Variants in CD8B2 observed in about 807,000 individuals in gnomAD.
CD8B2 encodes the protein CD8B family member 2.
Under a neutral mutation model 23.7 loss-of-function variants are expected in CD8B2, and 11 were observed. The observed-to-expected ratio is 0.46, with a 90% CI of 0.29 to 0.77. The LOEUF is 0.77. CD8B2 is among the 30% of genes least tolerant of loss of function. The pLI is 0.09. For missense variants in CD8B2, 197 were observed against 270.5 expected (o/e 0.73, Z 1.91); for synonymous variants, 90 against 109.3 (o/e 0.82, Z 1.10).
chr2:106,499,167 C>G (rs535784023), intron 3 of CD8B2, among the ~76,000 whole-genome samples: 5 of 152,242 alleles, frequency 3.3e-5, no homozygotes, highest in Admixed American at 2.0e-4. Context: ...TTAACCATGA[C>G]CTCTCCTCAG....
At chr2:106,494,408 A>G (rs929363472) in intron 2 of CD8B2, among the ~76,000 whole-genome samples, 18 of 151,894 alleles carry the variant, frequency 1.2e-4, no homozygotes, top group Non-Finnish European at 2.4e-4. Flanking sequence ...TCGGCCTCCC[A>G]AAGTGCTGGG....
At chr2:106,515,974 C>G (rs1237531401), downstream of CD8B2, among the ~76,000 whole-genome samples, 1 of 151,906 alleles carries the variant, frequency 6.6e-6, no homozygotes, top group Admixed American at 6.6e-5. Flanking sequence ...AAGCACCCAC[C>G]ACCATGCTCA....
rs2104561644 is a variant in CD8B2, at chr2:106,508,874, T to C, written c.*1934T>C. The C allele has an allele frequency of 6.6e-6, 1 of 152,376 alleles. No individual in the cohort carries two copies. The highest frequency in any genetic ancestry group is 1.9e-4 in the East Asian group (1 of 5,174). The allele number at this position is 152,376 out of a possible 1,614,324, so 9.4% of individuals were successfully genotyped here. On this transcript the variant is annotated 3_prime_UTR_variant, in exon 6 of 6. Transcript: ENST00000643224. ...GGGAGAGTAGCCTTTGATCCTTGGT[T>C]ACTCAGTGTGGGGAGATGGGGTTTT... is the stretch of plus-strand genomic sequence containing the variant.
At chr2:106,518,957 A>T (rs965340045) in intron 5 of CD8B2, among the ~76,000 whole-genome samples, 1 of 150,962 alleles carries the variant, frequency 6.6e-6, no homozygotes, top group Admixed American at 6.6e-5. Flanking sequence ...TCATCCATCA[A>T]TTCCTCCATC....
intron 4 of CD8B2, among the ~76,000 whole-genome samples, chr2:106,503,114 C>T (rs1225812707): frequency 6.7e-6 from 1 of 149,826 alleles, no homozygotes; most frequent in Non-Finnish European, 1.5e-5. Context: ...ATGGCCCCCA[C>T]CCCAAGCTCT....
At chr2:106,517,219 G>A (rs999535807) in intron 5 of CD8B2, among the ~76,000 whole-genome samples, 2 of 151,702 alleles carry the variant, frequency 1.3e-5, no homozygotes, top group African/African-American at 4.8e-5. Context: ...TGCTTTTTCT[G>A]GAGAATAGTC....
chr2:106,497,441 T>A (rs933038887), intron 3 of CD8B2, among the ~76,000 whole-genome samples: 1 of 152,136 alleles, frequency 6.6e-6, no homozygotes, highest in African/African-American at 2.4e-5. Flanking sequence ...CACATGCCCA[T>A]GCACACGCTT....
chr2:106,493,863 G>A, intron 2 of CD8B2, among the ~76,000 whole-genome samples: 1 of 152,142 alleles, frequency 6.6e-6, no homozygotes, highest in East Asian at 1.9e-4. Flanking sequence ...CTTCCTCCTG[G>A]ATAAAATGGG....
At chr2:106,513,405 C>G (rs1679674462), downstream of CD8B2, among the ~76,000 whole-genome samples, 1 of 152,046 alleles carries the variant, frequency 6.6e-6, no homozygotes, top group Admixed American at 6.6e-5. Flanking sequence ...CAGCCCCGGA[C>G]AGACCAGAGA....
intron 5 of CD8B2, among the ~76,000 whole-genome samples, 155 bp downstream of exon 5, chr2:106,504,480 G>A (rs73952239): frequency 0.032 from 4,826 of 152,194 alleles, 97 homozygotes; most frequent in African/African-American, 0.039. Flanking sequence ...ACAGCTACTC[G>A]GGAGCTGAAG....
At chr2:106,535,306 A>G (rs1418893888) in intron 5 of CD8B2, 2 of 152,164 alleles carry the variant, frequency 1.3e-5, no homozygotes, top group Non-Finnish European at 2.9e-5. Context: ...CAGGCTGCAG[A>G]CACTCATTTC....
intron 5 of CD8B2, among the ~76,000 whole-genome samples, chr2:106,532,156 G>T (rs1236967808): frequency 6.6e-6 from 1 of 152,226 alleles, no homozygotes; most frequent in Non-Finnish European, 1.5e-5. Flanking sequence ...CCCGGAGTTT[G>T]TATGTGTAAA....
intron 5 of CD8B2, among the ~76,000 whole-genome samples, chr2:106,519,664 G>A (rs942732697): frequency 3.3e-5 from 5 of 152,126 alleles, no homozygotes; most frequent in Non-Finnish European, 5.9e-5. Context: ...GTGCTTCCCC[G>A]TCCACCTTCG....
At chr2:106,503,238 C>T (rs538386474) in intron 4 of CD8B2, among the ~76,000 whole-genome samples, 3 of 152,258 alleles carry the variant, frequency 2.0e-5, no homozygotes, top group South Asian at 2.1e-4. Flanking sequence ...TGTGCCACCT[C>T]GAGCCAGCCC....
chr2:106,527,902 C>A (rs1310368373), intron 5 of CD8B2, among the ~76,000 whole-genome samples: 1 of 152,222 alleles, frequency 6.6e-6, no homozygotes, highest in East Asian at 1.9e-4. Flanking sequence ...CCATCCTCCA[C>A]ACCCCCTCTC....
intron 5 of CD8B2, among the ~76,000 whole-genome samples, chr2:106,516,493 C>G (rs1239086174): frequency 6.6e-6 from 1 of 152,166 alleles, no homozygotes; most frequent in Non-Finnish European, 1.5e-5. Context: ...GTGTCCTGGT[C>G]AGGGTTCTTT....
chr2:106,529,242 C>A (rs567794703), intron 5 of CD8B2, among the ~76,000 whole-genome samples: 7 of 152,308 alleles, frequency 4.6e-5, no homozygotes, highest in Non-Finnish European at 8.8e-5. Context: ...ATAGAAGTGG[C>A]CGCAGGAAAG....
At chr2:106,501,041 G>A (rs1279027352) in intron 3 of CD8B2, among the ~76,000 whole-genome samples, 1 of 152,210 alleles carries the variant, frequency 6.6e-6, no homozygotes, top group African/African-American at 2.4e-5. Context: ...GGGGACGGAA[G>A]TCAGTGCCGC....
chr2:106,535,624 G>A (rs549497139), intron 5 of CD8B2, among the ~76,000 whole-genome samples: 3 of 152,216 alleles, frequency 2.0e-5, no homozygotes. Context: ...CCACGCTTGG[G>A]TATACATCTT....
Sources: allele counts gnomAD v4.1 joint callset (sites outside exome capture counted in the v4.1 genomes callset), GRCh38; gene constraint gnomAD v4.1.1; transcripts MANE v1.5; gene names NCBI Gene and HGNC (gene_info 2026-07-23, HGNC 2026-07-21).